TNR: variants seen among roughly 807,000 people sequenced by gnomAD.
The protein encoded by TNR is tenascin-R.
Under a neutral mutation model 150.4 loss-of-function variants are expected in TNR, and 45 were observed. That is an observed-to-expected ratio of 0.30 (90% CI 0.24 to 0.38). The LOEUF is 0.38. TNR is among the 10% of genes least tolerant of loss of function. The pLI, the probability that TNR is intolerant of heterozygous loss-of-function variation, is 1.00. For synonymous variants in TNR, 687 were observed against 678.4 expected, an observed-to-expected ratio of 1.01 and a Z score of -0.20; for missense variants, 1,544 against 1,759.1, an observed-to-expected ratio of 0.88 and a Z score of 2.19.
chr1:175,344,354 C>T (rs1251878553), intron 18 of TNR, among the ~76,000 whole-genome samples: 1 of 152,100 alleles, frequency 6.6e-6, no homozygotes, highest in African/African-American at 2.4e-5. Flanking sequence ...TTTGGTTTAA[C>T]TTTAGGAAGT....
chr1:175,621,457 T>G (rs568802754), intron 1 of TNR, among the ~76,000 whole-genome samples: 1 of 152,256 alleles, frequency 6.6e-6, no homozygotes, highest in East Asian at 1.9e-4. Context: ...CTGAGGTACA[T>G]TTCAGGACGC....
At chr1:175,622,612 T>C (rs372932499) in intron 1 of TNR, among the ~76,000 whole-genome samples, 106 of 152,354 alleles carry the variant, frequency 7.0e-4, no homozygotes, top group African/African-American at 2.5e-3. Flanking sequence ...TCTCTTCCTC[T>C]GGGAAGCTTT....
chr1:175,394,405 A>G (rs559106586), intron 5 of TNR, among the ~76,000 whole-genome samples: 1 of 152,278 alleles, frequency 6.6e-6, no homozygotes, highest in South Asian at 2.1e-4. Flanking sequence ...TTAATACTAG[A>G]GTGATTTCCT....
intron 9 of TNR, among the ~76,000 whole-genome samples, chr1:175,378,302 C>CTTCATTCATTCA (rs71299425): frequency 3.3e-5 from 5 of 151,106 alleles, no homozygotes; most frequent in African/African-American, 1.2e-4. Context: ...ACTTCTGCAG[C>CTTCATTCATTCA]TTCATTCATT....
intron 2 of TNR, among the ~76,000 whole-genome samples, chr1:175,427,788 C>T (rs1655073283): frequency 7.4e-6 from 1 of 135,802 alleles, no homozygotes; most frequent in African/African-American, 3.0e-5. Flanking sequence ...CTTTCCCTTT[C>T]TTCCTTCCTT....
At chr1:175,472,967 G>C (rs1022959829) in intron 2 of TNR, among the ~76,000 whole-genome samples, 2 of 152,148 alleles carry the variant, frequency 1.3e-5, no homozygotes, top group Admixed American at 6.5e-5. Flanking sequence ...GTTAAGATGG[G>C]GTCTAAGAAT....
At chr1:175,422,969 G>T (rs115375959) in intron 2 of TNR, among the ~76,000 whole-genome samples, 1 of 152,174 alleles carries the variant, frequency 6.6e-6, no homozygotes, top group Non-Finnish European at 1.5e-5. Context: ...AAGGGTCATT[G>T]CCTGGTGAAC....
intron 18 of TNR, among the ~76,000 whole-genome samples, chr1:175,350,755 A>G (rs1010673774): frequency 2.0e-5 from 3 of 152,116 alleles, no homozygotes; most frequent in African/African-American, 4.8e-5. Context: ...TAGTTTTATT[A>G]TTACTTTTTG....
At chr1:175,346,540 A>T (rs1650793894) in intron 18 of TNR, among the ~76,000 whole-genome samples, 1 of 152,128 alleles carries the variant, frequency 6.6e-6, no homozygotes, top group Non-Finnish European at 1.5e-5. Flanking sequence ...CACTAGGAAG[A>T]CTGAGAAGTA....
chr1:175,551,624 A>G (rs915735700), intron 1 of TNR, among the ~76,000 whole-genome samples: 6 of 152,222 alleles, frequency 3.9e-5, no homozygotes, highest in African/African-American at 1.2e-4. Context: ...TTTGTTTTCA[A>G]TATGGTTTGT....
intron 1 of TNR, among the ~76,000 whole-genome samples, chr1:175,741,960 C>T (rs987402139): frequency 4.6e-5 from 7 of 152,174 alleles, no homozygotes; most frequent in Admixed American, 4.6e-4. Flanking sequence ...CAAGGGAAGA[C>T]TTGCTCCTAC....
In TNR at chr1:175,496,299, A is replaced by G. The variant is rs1254346499; in HGVS notation, c.-64+31970T>C. Among the ~76,000 whole-genome samples the G allele has an allele frequency of 2.6e-5, 4 of 152,080 alleles. No homozygotes were observed. The East Asian group carries it at 7.7e-4, about 29-fold the overall frequency. ...AATACCTTTCACCAGGTATTCCCCA[A>G]CTTCTCCTTGTTTTCCCACCCTGCC... On this transcript the variant is annotated intron_variant, in intron 2 of 22. Transcript: ENST00000367674.
At chr1:175,630,563 C>T (rs764727198) in intron 1 of TNR, among the ~76,000 whole-genome samples, 2 of 152,186 alleles carry the variant, frequency 1.3e-5, no homozygotes, top group South Asian at 4.1e-4. Context: ...CTCTTTTCCT[C>T]CCTTCCTCCC....
At chr1:175,418,078 T>C (rs1297403541) in intron 2 of TNR, among the ~76,000 whole-genome samples, 1 of 152,136 alleles carries the variant, frequency 6.6e-6, no homozygotes, top group Non-Finnish European at 1.5e-5. Context: ...CTACCTGAAA[T>C]TTGAGGAAGC....
At chr1:175,552,108 A>ATCC (rs1660966239) in intron 1 of TNR, among the ~76,000 whole-genome samples, 1 of 152,216 alleles carries the variant, frequency 6.6e-6, no homozygotes, top group Non-Finnish European at 1.5e-5. Flanking sequence ...GAGCCAGGAA[A>ATCC]TCATTTTTTA....
At chr1:175,669,130 G>C (rs1158898284) in intron 1 of TNR, among the ~76,000 whole-genome samples, 1 of 152,230 alleles carries the variant, frequency 6.6e-6, no homozygotes, top group East Asian at 1.9e-4. Context: ...CCAGTAGGCA[G>C]CAGTGAGAGA....
chr1:175,458,778 G>T (rs34217665), intron 2 of TNR, among the ~76,000 whole-genome samples: 1 of 152,076 alleles, frequency 6.6e-6, no homozygotes, highest in South Asian at 2.1e-4. Flanking sequence ...TTAAAAAGAG[G>T]TGTCCTATTC....
At chr1:175,338,961 C>T (rs576745329) in intron 18 of TNR, among the ~76,000 whole-genome samples, 5 of 152,336 alleles carry the variant, frequency 3.3e-5, no homozygotes, top group African/African-American at 1.2e-4. Flanking sequence ...ACTGGCCTAA[C>T]GTAGTTTAGA....
At chr1:175,603,830 C>T (rs774237529) in intron 1 of TNR, among the ~76,000 whole-genome samples, 17 of 152,312 alleles carry the variant, frequency 1.1e-4, no homozygotes, top group Non-Finnish European at 2.4e-4. Flanking sequence ...GCACTCACCA[C>T]GTCACCCTGA....
Sources: allele counts gnomAD v4.1 joint callset (sites outside exome capture counted in the v4.1 genomes callset), GRCh38; gene constraint gnomAD v4.1.1; transcripts MANE v1.5; gene names NCBI Gene and HGNC (gene_info 2026-07-23, HGNC 2026-07-21).